The following CADPS variants were observed in gnomAD, a reference collection of about 807,000 sequenced individuals.
The protein encoded by CADPS is calcium-dependent secretion activator 1.
A neutral mutation model predicts 167.3 loss-of-function variants in CADPS; 57 were observed. The observed-to-expected ratio is 0.34, with a 90% CI of 0.28 to 0.42. The LOEUF (loss-of-function observed/expected upper bound fraction) is 0.42, where lower values mean the gene tolerates loss of function less well. Among genes scored for constraint, CADPS ranks in the 20% least tolerant of loss-of-function variants. The pLI, the probability that CADPS is intolerant of heterozygous loss-of-function variation, is 1.00. For synonymous variants in CADPS, 676 were observed against 635.3 expected (o/e 1.06, Z -0.96); for missense variants, 1,414 against 1,738.1 (o/e 0.81, Z 3.32).
chr3:62,539,268 C>T (rs2075293512), intron 11 of CADPS, among the ~76,000 whole-genome samples: 1 of 152,026 alleles, frequency 6.6e-6, no homozygotes, highest in Non-Finnish European at 1.5e-5. Context: ...TCCCTTCCTG[C>T]CGTTATAGGC....
chr3:62,422,287 C>A (rs1472883624), intron 28 of CADPS, among the ~76,000 whole-genome samples: 2 of 152,158 alleles, frequency 1.3e-5, no homozygotes, highest in Non-Finnish European at 2.9e-5. Flanking sequence ...TGCCCCTGAG[C>A]CCCCAACCTG....
chr3:62,625,039 C>T (rs2659471), intron 6 of CADPS, among the ~76,000 whole-genome samples: 140,534 of 150,516 alleles, frequency 0.93, 66,326 homozygotes, highest in East Asian at 1. Flanking sequence ...GAGTGGTCCC[C>T]TCTTCTTGGG....
chr3:62,700,577 G>T (rs2081206048), intron 3 of CADPS, among the ~76,000 whole-genome samples: 1 of 152,042 alleles, frequency 6.6e-6, no homozygotes, highest in African/African-American at 2.4e-5. Context: ...CTAATCTTAT[G>T]ACTCATTGGT....
chr3:62,737,407 G>A (rs139068133), intron 3 of CADPS, among the ~76,000 whole-genome samples: 305 of 152,176 alleles, frequency 2.0e-3, no homozygotes, highest in African/African-American at 6.9e-3. Flanking sequence ...GGTAGAGGCT[G>A]CAGTGAGCTG....
At chr3:62,530,600 G>A in intron 13 of CADPS, 1 of 1,098,878 alleles carries the variant, frequency 9.1e-7, no homozygotes, top group South Asian at 1.9e-5. Context: ...ATGGAGGCTT[G>A]GGGAAAGGGT....
intron 6 of CADPS, among the ~76,000 whole-genome samples, chr3:62,617,519 G>C (rs1191253755): frequency 6.6e-6 from 1 of 152,112 alleles, no homozygotes; most frequent in Non-Finnish European, 1.5e-5. Flanking sequence ...AGTTAGTGTG[G>C]ACATGGTTCC....
chr3:62,452,730 A>G (rs1011844366), intron 26 of CADPS, among the ~76,000 whole-genome samples: 1 of 152,158 alleles, frequency 6.6e-6, no homozygotes, highest in African/African-American at 2.4e-5. Flanking sequence ...ACAGAAGGAG[A>G]GTGGAGGAGA....
chr3:62,861,693 A>C (rs1254704248), intron 1 of CADPS, among the ~76,000 whole-genome samples: 1 of 152,184 alleles, frequency 6.6e-6, no homozygotes, highest in African/African-American at 2.4e-5. Flanking sequence ...TCCTGCTCAG[A>C]ATTCTTCAGC....
At chr3:62,673,386 G>A (rs563686278) in intron 3 of CADPS, among the ~76,000 whole-genome samples, 4 of 152,282 alleles carry the variant, frequency 2.6e-5, no homozygotes, top group African/African-American at 9.6e-5. Context: ...ATGAAAGTGA[G>A]TATTTAAGTG....
At chr3:62,483,098 A>G (rs1363886852) in intron 21 of CADPS, among the ~76,000 whole-genome samples, 2 of 152,000 alleles carry the variant, frequency 1.3e-5, no homozygotes, top group Admixed American at 6.6e-5. Flanking sequence ...CTGGCACGGT[A>G]GAGCCCAGCC....
chr3:62,552,188 T>G (rs2077414145), intron 10 of CADPS, among the ~76,000 whole-genome samples: 1 of 124,420 alleles, frequency 8.0e-6, no homozygotes, highest in African/African-American at 3.2e-5. Context: ...TGAGAACACA[T>G]GGACACAGGA....
intron 3 of CADPS, among the ~76,000 whole-genome samples, chr3:62,724,437 C>A (rs2076373594): frequency 6.6e-6 from 1 of 152,152 alleles, no homozygotes; most frequent in Non-Finnish European, 1.5e-5. Flanking sequence ...AATCAAGGCA[C>A]AGACATACAT....
chr3:62,731,658 T>A (rs2077827172), intron 3 of CADPS, among the ~76,000 whole-genome samples: 1 of 151,686 alleles, frequency 6.6e-6, no homozygotes, highest in African/African-American at 2.4e-5. Flanking sequence ...AGCAAATAAA[T>A]TGCAATGTGA....
chr3:62,549,033 T>C (rs2152236798), intron 11 of CADPS, among the ~76,000 whole-genome samples: 1 of 152,354 alleles, frequency 6.6e-6, no homozygotes, highest in East Asian at 1.9e-4. Flanking sequence ...CTCAATGACC[T>C]AGAATGAATC....
At chr3:62,823,545 G>C (rs547616423) in intron 1 of CADPS, among the ~76,000 whole-genome samples, 1 of 152,300 alleles carries the variant, frequency 6.6e-6, no homozygotes, top group South Asian at 2.1e-4. Flanking sequence ...CAGAGAGCCT[G>C]TAGCTAACAG....
At chr3:62,743,774 C>T (rs943804325) in intron 3 of CADPS, among the ~76,000 whole-genome samples, 4 of 152,132 alleles carry the variant, frequency 2.6e-5, no homozygotes, top group East Asian at 1.9e-4. Flanking sequence ...TGAATAGATG[C>T]GTCCATTAAA....
In CADPS at chr3:62,481,790, G is replaced by T. The variant is rs868827229; in HGVS notation, c.3106C>A (p.Pro1036Thr). The T allele has an allele frequency of 3.7e-6, 6 of 1,611,726 alleles. No homozygotes were observed. The change falls in exon 22 of 30, where the codon CCT becomes ACT. Residue 1036 changes from proline (P) to threonine (T), a missense_variant. Around this residue, in one of 6 missense-constraint regions of CADPS, gnomAD observed 529 missense variants for 629.6 expected, o/e 0.84. Coordinates refer to ENST00000383710, the MANE Select transcript of CADPS (RefSeq NM_003716.4). The stretch of plus-strand genomic sequence containing the variant: ...GTAGGCATTTGTGGGATGCCTAGAG[G>T]GATGTTAACTGGTAGATTTGGTACT... ...PKVPNLPVNI[P>T]LGIPQMPTFS...
chr3:62,740,955 T>C lies in CADPS; in HGVS notation c.888+12486A>G, dbSNP rs113221885. Among the ~76,000 whole-genome samples, 454 of 152,378 alleles carry C rather than the reference T, an allele frequency of 3.0e-3. 1 individual carries two copies. The highest frequency in any genetic ancestry group is 0.01 in the African/African-American group (431 of 41,590). On this transcript the variant is annotated intron_variant, in intron 3 of 29. Coordinates refer to ENST00000383710, the MANE Select transcript of CADPS (RefSeq NM_003716.4). ...TTGACTTTTTAACAGTTAGAATTTA[T>C]TGTGGATGGATTTTATTCCTTCAAA...
chr3:62,641,715 C>T (rs991909411), intron 6 of CADPS, among the ~76,000 whole-genome samples: 36 of 151,998 alleles, frequency 2.4e-4, no homozygotes, highest in African/African-American at 7.5e-4. Flanking sequence ...TCCTGGCTTT[C>T]TATGTTAAAA....
Sources: gnomAD v4.1 joint callset for allele counts (sites outside exome capture counted in the v4.1 genomes callset) on GRCh38, gnomAD v4.1.1 for gene constraint, gnomAD v4.1.1 regional missense constraint, MANE v1.5 for transcripts, NCBI Gene and HGNC (gene_info 2026-07-23, HGNC 2026-07-21) for gene names.